Variants in RRBP1 observed in about 807,000 individuals in gnomAD.
The protein encoded by RRBP1 is ribosome-binding protein 1.
Under a neutral mutation model 165.2 loss-of-function variants are expected in RRBP1, and 94 were observed. The observed-to-expected ratio is 0.57, with a 90% CI of 0.48 to 0.68. RRBP1 has a LOEUF of 0.68. Ranked by LOEUF, RRBP1 falls within the 30% of genes least tolerant of loss-of-function variation. RRBP1 has a pLI of 0.00. For missense variants in RRBP1, 1,676 were observed against 1,763.0 expected, an observed-to-expected ratio of 0.95 and a Z score of 0.88; for synonymous variants, 680 against 714.5, an observed-to-expected ratio of 0.95 and a Z score of 0.77.
intron 8 of RRBP1, 90 bp from the exon 9 acceptor site, chr20:17,630,051 C>T: frequency 7.2e-7 from 1 of 1,388,032 alleles, no homozygotes; most frequent in Non-Finnish European, 9.8e-7. Context: ...AGCTCTTTAC[C>T]CCACCAAAGC....
At chr20:17,649,239 G>T (rs1034367044) in intron 3 of RRBP1, among the ~76,000 whole-genome samples, 2 of 152,200 alleles carry the variant, frequency 1.3e-5, no homozygotes, top group African/African-American at 2.4e-5. Context: ...TATCTGACTT[G>T]ATCTCCGTGT....
chr20:17,679,170 G>C (rs998931136), intron 2 of RRBP1, among the ~76,000 whole-genome samples: 5 of 152,224 alleles, frequency 3.3e-5, no homozygotes, highest in African/African-American at 1.2e-4. Context: ...CCACCCCCTA[G>C]AACAGGGTTA....
Position 17,641,819 on chromosome 20 carries a change from C to T in RRBP1, c.2162G>A (p.Ser721Asn), listed in dbSNP as rs1400679823. 3 of 1,613,430 alleles carry T rather than the reference C, an allele frequency of 1.9e-6. No individual in the cohort carries two copies. The highest frequency in any genetic ancestry group is 1.3e-5 in the African/African-American group (1 of 74,928). ...TACCTTGTTGAGCTCCCTCAGTTTG[C>T]TCTTGGCGACAGCCGCATCTTCCTG... ...TEQEDAAVAK[S>N]KLRELNKEMA... Residue 721 changes from serine (S) to asparagine (N), a missense_variant, in exon 5 of 25, where the codon AGC (serine) becomes AAC (asparagine). Physicochemically the swap from Ser to Asn is conservative, Grantham distance 46. Coordinates refer to ENST00000377813, the MANE Select transcript of RRBP1 (RefSeq NM_001365613.2).
At chr20:17,616,925 C>T (rs972954810) in intron 20 of RRBP1, 86 bp from the exon 21 acceptor site, 8 of 1,077,176 alleles carry the variant, frequency 7.4e-6, no homozygotes, top group Admixed American at 1.9e-5. Context: ...CTCGGAGGAC[C>T]GTAGCTGCTC....
At chr20:17,633,384 T>A in intron 8 of RRBP1, 76 bp downstream of exon 8, 1 of 1,511,988 alleles carries the variant, frequency 6.6e-7, no homozygotes, top group South Asian at 1.3e-5. Flanking sequence ...ACGGCCAGCC[T>A]GGGCCCATCC....
At chr20:17,629,983 G>C in intron 8 of RRBP1, 22 bp from the exon 9 acceptor site, 1 of 1,584,862 alleles carries the variant, frequency 6.3e-7, no homozygotes, top group Middle Eastern at 1.7e-4. Flanking sequence ...CAGGGGAGTG[G>C]GGCAGTGAAG....
At chr20:17,638,276 G>A (rs756001294) in intron 5 of RRBP1, among the ~76,000 whole-genome samples, 1 of 152,174 alleles carries the variant, frequency 6.6e-6, no homozygotes, top group Admixed American at 6.5e-5. Flanking sequence ...CCGACACAAC[G>A]GCCCTTCCAA....
chr20:17,648,451 G>A lies in RRBP1; in HGVS notation c.1913-5324C>T, dbSNP rs565141839. Among the ~76,000 whole-genome samples the A allele has an allele frequency of 3.9e-5, 6 of 152,362 alleles. No homozygotes were observed. In the East Asian group the frequency reaches 5.8e-4, roughly 15 times the overall value. On this transcript the variant is annotated intron_variant, in intron 3 of 24. Coordinates refer to ENST00000377813, the MANE Select transcript of RRBP1 (RefSeq NM_001365613.2). ...CCACAGAGCCCGGCCTTGCCCAAGC[G>A]CTGCTCAGCGCTCCTGACAGGAAGC...
At chr20:17,618,703 T>C in intron 19 of RRBP1, 24 bp from the exon 20 acceptor site, 3 of 1,585,396 alleles carry the variant, frequency 1.9e-6, no homozygotes, top group Non-Finnish European at 1.7e-6. Flanking sequence ...CAGAGGCGGG[T>C]GATGGGAAAA....
chr20:17,643,183 G>T lies in RRBP1; in HGVS notation c.1913-56C>A, dbSNP rs1182575843. ...TAGGCCCATAAGCCACAACACACGT[G>T]GCCACAATGCCCATCACACCAAGAA... On this transcript the variant is annotated intron_variant, in intron 3 of 24. Coordinates refer to ENST00000377813, the MANE Select transcript of RRBP1 (RefSeq NM_001365613.2). This position sits in a 1 kb window ranked among gnomAD's most constrained non-coding sequence, Gnocchi z 4.3. 6.4e-7 allele frequency: 1 copy of T among 1,573,656 alleles called. No homozygotes were observed. Among genetic ancestry groups the T allele is most frequent in the African/African-American group, 1.3e-5 (1 of 74,200 alleles).
At chr20:17,668,462 G>A (rs887008525) in intron 2 of RRBP1, among the ~76,000 whole-genome samples, 4 of 152,196 alleles carry the variant, frequency 2.6e-5, no homozygotes, top group African/African-American at 9.7e-5. Context: ...TTGTGGGCCT[G>A]CCTCTAATGA....
rs1600191875 is a variant in RRBP1 at position 17,675,164 on chromosome 20, T to C, written c.-22+4835A>G. Among the ~76,000 whole-genome samples the C allele has an allele frequency of 2.0e-5, 3 of 152,382 alleles. No individual in the cohort carries two copies. In the South Asian group the frequency reaches 6.2e-4, roughly 32 times the overall value. ...CCCAGCCTCCGCTGGAAGGGCAGGA[T>C]GTCCACATTTAACAGTGCCCTCTGC... On this transcript the variant is annotated intron_variant, in intron 2 of 24. Transcript: ENST00000377813.
chr20:17,633,383 C>G, intron 8 of RRBP1, 77 bp downstream of exon 8: 1 of 1,512,200 alleles, frequency 6.6e-7, no homozygotes, highest in Non-Finnish European at 9.0e-7. Flanking sequence ...CACGGCCAGC[C>G]TGGGCCCATC....
rs1002044639 is a variant in RRBP1, at chr20:17,614,086, C to T, written c.*96G>A. 1.6e-6 allele frequency: 2 copies of T among 1,278,748 alleles called. No homozygotes were observed. Among genetic ancestry groups the T allele is most frequent in the Non-Finnish European group, 2.3e-6 (2 of 879,402 alleles). The allele number at this position is 1,278,748 out of a possible 1,614,324, so 79.2% of individuals were successfully genotyped here. On this transcript the variant is annotated 3_prime_UTR_variant, in exon 25 of 25. Transcript: ENST00000377813. Reference sequence around the variant, plus strand: ...CTCTCGGAGCTACCGGAAGTTGGGCCTGGATAACGCTGTGTAGGTTGGTTG... The same window carrying T: ...CTCTCGGAGCTACCGGAAGTTGGGCTTGGATAACGCTGTGTAGGTTGGTTG...
chr20:17,662,838 T>C (rs984065650), intron 2 of RRBP1, among the ~76,000 whole-genome samples: 10 of 152,090 alleles, frequency 6.6e-5, no homozygotes, highest in Non-Finnish European at 1.5e-5. Flanking sequence ...ACAAGATTTC[T>C]CAGAACTCTG....
At chr20:17,638,495 A>T (rs538837550) in intron 5 of RRBP1, among the ~76,000 whole-genome samples, 1 of 152,298 alleles carries the variant, frequency 6.6e-6, no homozygotes, top group Admixed American at 6.5e-5. Context: ...CCTGGGGGTC[A>T]GCGTCCCAAG....
intron 3 of RRBP1, among the ~76,000 whole-genome samples, chr20:17,647,983 C>T (rs2036494300): frequency 6.6e-6 from 1 of 152,124 alleles, no homozygotes; most frequent in Non-Finnish European, 1.5e-5. Flanking sequence ...ACCCTGGGGC[C>T]CCAGGAAAGG....
chr20:17,624,473 G>A (rs771940694), intron 13 of RRBP1, 103 bp downstream of exon 13: 38 of 772,154 alleles, frequency 4.9e-5, no homozygotes, highest in South Asian at 9.2e-5. Context: ...GCATCTGTGC[G>A]TCCTAGAGCA....
At chr20:17,670,766 T>C (rs2036962291) in intron 2 of RRBP1, among the ~76,000 whole-genome samples, 1 of 152,230 alleles carries the variant, frequency 6.6e-6, no homozygotes, top group African/African-American at 2.4e-5. Flanking sequence ...AACAATCTTT[T>C]CACTCTCACT....
Sources: gnomAD v4.1 joint callset for allele counts (sites outside exome capture counted in the v4.1 genomes callset) on GRCh38, gnomAD v4.1.1 for gene constraint, Gnocchi (gnomAD v3.1) non-coding constraint, MANE v1.5 for transcripts, NCBI Gene and HGNC (gene_info 2026-07-23, HGNC 2026-07-21) for gene names.